Variants in MELK observed in about 807,000 individuals in gnomAD.
MELK encodes maternal embryonic leucine zipper kinase.
A neutral mutation model predicts 85.0 loss-of-function variants in MELK; 81 were observed. The observed-to-expected ratio is 0.95, with a 90% CI of 0.80 to 1.15. The LOEUF (loss-of-function observed/expected upper bound fraction) is 1.15, where lower values mean the gene tolerates loss of function less well. Among genes scored for constraint, MELK ranks in the 50% most tolerant of loss-of-function variants. The pLI, the probability that MELK is intolerant of heterozygous loss-of-function variation, is 0.00. For missense variants in MELK, 754 were observed against 777.5 expected, an observed-to-expected ratio of 0.97 and a Z score of 0.36; for synonymous variants, 252 against 265.0, an observed-to-expected ratio of 0.95 and a Z score of 0.48.
At chr9:36,670,068 G>A (rs867188247) in intron 15 of MELK, among the ~76,000 whole-genome samples, 46 of 152,244 alleles carry the variant, frequency 3.0e-4, no homozygotes, top group African/African-American at 1.0e-3. Context: ...TGGAAGTGCT[G>A]GAGAACTACC....
intron 14 of MELK, 134 bp from the exon 15 acceptor site, chr9:36,669,176 C>T (rs1010917372): frequency 1.1e-5 from 5 of 455,004 alleles, no homozygotes; most frequent in South Asian, 7.6e-5. Context: ...TTAGAGCCTT[C>T]GACATCACAG....
Position 36,583,701 on chromosome 9 carries a change from A to T in MELK, c.133A>T (p.Asn45Tyr). The T allele has an allele frequency of 6.2e-7, 1 of 1,608,924 alleles. No homozygotes were observed. Among genetic ancestry groups the T allele is most frequent in the African/African-American group, 1.3e-5 (1 of 74,924 alleles). The part of the protein sequence containing the change: ...EMVAIKIMDK[N>Y]TLGSDLPRIK... ...GGTAGCTATAAAAATCATGGATAAA[A>T]ACACACTAGGGGTAAGTTTAGATTT... The change falls in exon 3 of 18, where the codon AAC becomes TAC. Residue 45 changes from asparagine to tyrosine, a missense_variant. By Grantham distance (143) the Asn-to-Tyr change is moderately radical. Coordinates refer to ENST00000298048, the MANE Select transcript of MELK (RefSeq NM_014791.4).
chr9:36,665,103 G>T (rs1832208744), intron 13 of MELK, among the ~76,000 whole-genome samples: 1 of 151,998 alleles, frequency 6.6e-6, no homozygotes, highest in South Asian at 2.1e-4. Context: ...TATTGCCTAG[G>T]ATCTGAGTAT....
rs189020777 is a variant in MELK, at chr9:36,624,667, G to T, written c.667-5632G>T. ...TGATAAAAAGGCAAAGAGGAATTTG[G>T]AATCAGTATGGTAGAGCTCTCTTTA... On this transcript the variant is annotated intron_variant, in intron 8 of 17. Coordinates refer to ENST00000298048, the MANE Select transcript of MELK (RefSeq NM_014791.4). Among the ~76,000 whole-genome samples the T allele has an allele frequency of 8.8e-3, 1,345 of 152,278 alleles. 13 individuals are homozygous for T. The highest frequency in any genetic ancestry group is 0.016 in the Non-Finnish European group (1,073 of 68,024).
chr9:36,621,013 G>A lies in MELK; in HGVS notation c.667-9286G>A, dbSNP rs1025801048. Among the ~76,000 whole-genome samples the A allele has an allele frequency of 7.0e-4, 107 of 151,848 alleles. 1 individual carries two copies. Among genetic ancestry groups the A allele is most frequent in the Admixed American group, 2.6e-4 (4 of 15,232 alleles). ...AGGCTGGGCGCAGTGGCTCACGCCT[G>A]CAATCCCAGCACTTTGGGAGACTGA... On this transcript the variant is annotated intron_variant, in intron 8 of 17. Coordinates refer to ENST00000298048, the MANE Select transcript of MELK (RefSeq NM_014791.4).
intron 11 of MELK, among the ~76,000 whole-genome samples, chr9:36,648,760 G>A (rs999684801): frequency 5.9e-5 from 9 of 152,118 alleles, no homozygotes; most frequent in African/African-American, 1.9e-4. Context: ...GTTCCTGTCC[G>A]TTCATCTTAG....
intron 1 of MELK, among the ~76,000 whole-genome samples, chr9:36,576,882 T>C (rs1316118574): frequency 1.3e-5 from 2 of 152,186 alleles, no homozygotes; most frequent in Non-Finnish European, 2.9e-5. Flanking sequence ...GTAAAATGAT[T>C]CATGGAATCA....
intron 14 of MELK, 63 bp from the exon 15 acceptor site, chr9:36,669,247 A>C: frequency 9.6e-7 from 1 of 1,046,374 alleles, no homozygotes; most frequent in Non-Finnish European, 1.4e-6. Context: ...TATTATTAAT[A>C]ATAGAAATTT....
At position 36,597,273 on chromosome 9, in the gene MELK, C is replaced by T; in HGVS notation, c.457C>T (p.Leu153Phe). ...TAAATTAAAGCTGATTGACTTTGGT[C>T]TCTGTGCAAAACCCAAGGTAAGTGC... is the stretch of plus-strand genomic sequence containing the variant. The part of the protein sequence containing the change: ...YHKLKLIDFG[L>F]CAKPKGNKDY... Residue 153 changes from leucine (L) to phenylalanine (F), a missense_variant, in exon 6 of 18, where the codon CTC becomes TTC. Leu to Phe is a conservative substitution (Grantham distance 22, BLOSUM62 0). Transcript: ENST00000298048. 2 of 1,613,614 alleles carry T rather than the reference C, an allele frequency of 1.2e-6. No individual in the cohort carries two copies. Among genetic ancestry groups the T allele is most frequent in the Non-Finnish European group, 1.7e-6 (2 of 1,179,654 alleles).
intron 1 of MELK, among the ~76,000 whole-genome samples, chr9:36,575,359 C>T (rs1010509249): frequency 2.0e-5 from 3 of 152,158 alleles, no homozygotes; most frequent in Non-Finnish European, 4.4e-5. Context: ...TATTAACAAA[C>T]TCTAGAGGAT....
In MELK at chr9:36,677,507, A is replaced by C. The variant is rs1833450084; in HGVS notation, c.*170A>C. On this transcript the variant is annotated 3_prime_UTR_variant, in exon 18 of 18. Coordinates refer to ENST00000298048, the MANE Select transcript of MELK (RefSeq NM_014791.4). ...TTAAACAAAAGATATTATTTTGTGT[A>C]TGAATCTAAATCAAGCCCATCTGTC... The C allele has an allele frequency of 3.7e-6, 2 of 545,866 alleles. No homozygotes were observed. The highest frequency in any genetic ancestry group is 7.9e-5 in the Admixed American group (2 of 25,408). The allele number at this position is 545,866 out of a possible 1,614,324, so 33.8% of individuals were successfully genotyped here.
At chr9:36,663,236 A>G (rs1002484433) in intron 13 of MELK, among the ~76,000 whole-genome samples, 1 of 151,908 alleles carries the variant, frequency 6.6e-6, no homozygotes, top group Admixed American at 6.6e-5. Context: ...GCCTGTCCCC[A>G]TGCCCAGCTA....
chr9:36,576,692 C>A (rs761521486), intron 1 of MELK, among the ~76,000 whole-genome samples: 1 of 151,974 alleles, frequency 6.6e-6, no homozygotes, highest in South Asian at 2.1e-4. Flanking sequence ...TCACCACGCC[C>A]GGCTAATTTT....
At chr9:36,595,361 C>T (rs1824098441) in intron 5 of MELK, among the ~76,000 whole-genome samples, 1 of 152,056 alleles carries the variant, frequency 6.6e-6, no homozygotes, top group Admixed American at 6.6e-5. Context: ...TGGTCTCAAT[C>T]TCCTGACCTT....
intron 16 of MELK, among the ~76,000 whole-genome samples, chr9:36,674,271 AG>A (rs1388602977): frequency 6.6e-6 from 1 of 152,230 alleles, no homozygotes; most frequent in Non-Finnish European, 1.5e-5. Flanking sequence ...TCTGAGAATT[AG>A]GCTCTCAGTC....
rs752221174 is a variant in MELK at position 36,581,748 on chromosome 9, T to C, written c.58+9T>C. The C allele has an allele frequency of 1.9e-6, 3 of 1,584,418 alleles. No individual in the cohort carries two copies. The Admixed American group carries it at 5.1e-5, about 27-fold the overall frequency. On this transcript the variant is annotated intron_variant, in intron 2 of 17. Coordinates refer to ENST00000298048, the MANE Select transcript of MELK (RefSeq NM_014791.4). The stretch of plus-strand genomic sequence containing the variant: ...TGAAACTATTGGGACAGGTAATTGT[T>C]ATTTTTTTTTGGAGGCAGTGGATAG...
intron 10 of MELK, among the ~76,000 whole-genome samples, chr9:36,639,860 AT>A (rs149698267): frequency 1.0e-3 from 155 of 150,152 alleles, no homozygotes; most frequent in African/African-American, 3.4e-3. Context: ...TTAAAAAAAT[AT>A]TTTTTTTTTA....
At chr9:36,640,952 A>G (rs1435672425) in intron 10 of MELK, among the ~76,000 whole-genome samples, 2 of 152,168 alleles carry the variant, frequency 1.3e-5, no homozygotes, top group African/African-American at 2.4e-5. Flanking sequence ...TACAAGTGTG[A>G]TGTTCAAAAC....
chr9:36,677,395 A>G lies in MELK; in HGVS notation c.*58A>G. ...TGGGTGTGATACAGCCTACATAAAG[A>G]CTGTTATGATCGCTTTGATTTTAAA... is the stretch of plus-strand genomic sequence containing the variant. On this transcript the variant is annotated 3_prime_UTR_variant, in exon 18 of 18. Transcript: ENST00000298048. The G allele has an allele frequency of 2.1e-6, 3 of 1,457,872 alleles. No homozygotes were observed. Among genetic ancestry groups the G allele is most frequent in the Non-Finnish European group, 1.8e-6 (2 of 1,084,872 alleles). The allele number at this position is 1,457,872 out of a possible 1,614,324, so 90.3% of individuals were successfully genotyped here.
Sources: allele counts gnomAD v4.1 joint callset (sites outside exome capture counted in the v4.1 genomes callset), GRCh38; gene constraint gnomAD v4.1.1; transcripts MANE v1.5; gene names NCBI Gene and HGNC (gene_info 2026-07-23, HGNC 2026-07-21).